The following YJU2 variants were observed in gnomAD, a reference collection of about 807,000 sequenced individuals.
The protein encoded by YJU2 is splicing factor YJU2.
YJU2 carries 28 observed loss-of-function variants against 39.6 expected under a neutral mutation model. The observed-to-expected ratio is 0.71, with a 90% confidence interval of 0.52 to 0.97. YJU2 has a LOEUF of 0.97. YJU2 is among the 50% of genes least tolerant of loss of function. YJU2 has a pLI of 0.00. For synonymous variants in YJU2, 184 were observed against 182.4 expected, an observed-to-expected ratio of 1.01 and a Z score of -0.07; for missense variants, 328 against 430.4, an observed-to-expected ratio of 0.76 and a Z score of 2.11.
At chr19:4,263,630 A>T (rs961963758) in intron 6 of YJU2, among the ~76,000 whole-genome samples, 1 of 151,692 alleles carries the variant, frequency 6.6e-6, no homozygotes, top group Non-Finnish European at 1.5e-5. Flanking sequence ...GCCAACATGG[A>T]GAAACCCTGT....
At chr19:4,248,964 G>A (rs576393391) in intron 1 of YJU2, among the ~76,000 whole-genome samples, 7 of 152,266 alleles carry the variant, frequency 4.6e-5, no homozygotes, top group Non-Finnish European at 1.0e-4. Context: ...AGCTTCCCGT[G>A]TAGACAGCAT....
chr19:4,252,621 T>TTAA (rs1338165043), intron 3 of YJU2, among the ~76,000 whole-genome samples: 1 of 150,568 alleles, frequency 6.6e-6, no homozygotes, highest in Non-Finnish European at 1.5e-5. Context: ...AATAAATAAA[T>TTAA]TAATAATAAT....
At chr19:4,258,067 G>A (rs1485552963) in intron 4 of YJU2, among the ~76,000 whole-genome samples, 175 bp from the exon 5 acceptor site, 1 of 152,220 alleles carries the variant, frequency 6.6e-6, no homozygotes, top group East Asian at 1.9e-4. Flanking sequence ...AGACCTGAGT[G>A]TTCTCACCTG....
intron 3 of YJU2, among the ~76,000 whole-genome samples, chr19:4,253,402 C>T (rs1256026323): frequency 2.6e-5 from 4 of 152,032 alleles, no homozygotes; most frequent in Non-Finnish European, 5.9e-5. Flanking sequence ...CATGGCGAAA[C>T]CCTGTCTCTA....
rs748864015 is a variant in YJU2, at chr19:4,263,073, C to CAAA, written c.708+976_708+978dup. On this transcript the variant is annotated intron_variant, in intron 6 of 7. Coordinates refer to ENST00000262962, the MANE Select transcript of YJU2 (RefSeq NM_018074.6). ...TGGGTGACAGAATGAGACTCTGTCT[C>CAAA]AAAAAAAAAAAAAAAAAAACTTAAT... Among the ~76,000 whole-genome samples, 233 of 106,400 alleles carry CAAA rather than the reference C, an allele frequency of 2.2e-3. 3 individuals are homozygous for CAAA. Among genetic ancestry groups the CAAA allele is most frequent in the African/African-American group, 7.4e-3 (217 of 29,134 alleles). 69.8% of individuals were successfully genotyped at this position (106,400 alleles called of 152,430 possible). A position where few individuals can be genotyped will look rare whatever the true frequency, so the allele number is the denominator to read the frequency against.
chr19:4,261,404 T>C (rs1055191229), intron 5 of YJU2, among the ~76,000 whole-genome samples: 7 of 151,884 alleles, frequency 4.6e-5, no homozygotes, highest in African/African-American at 1.7e-4. Flanking sequence ...GGCTGGAGAA[T>C]CGCTTGAACC....
chr19:4,260,331 G>T (rs757421798), intron 5 of YJU2, among the ~76,000 whole-genome samples: 2 of 152,094 alleles, frequency 1.3e-5, no homozygotes, highest in Admixed American at 1.3e-4. Flanking sequence ...CAGAGGCTGA[G>T]ACAGGAGAAT....
chr19:4,247,599 GT>G (rs1397627745), intron 1 of YJU2, among the ~76,000 whole-genome samples: 202 of 11,992 alleles, frequency 0.017, 29 homozygotes, highest in East Asian at 0.028. Context: ...GTGTGTGTGT[GT>G]GTGTGTGTGT....
Position 4,247,577 on chromosome 19 carries a change from TGGCGC to T in YJU2, c.24+409_24+413del, listed in dbSNP as rs1429514817. 8.8e-4 allele frequency among the ~76,000 whole-genome samples: 36 copies of T among 40,960 alleles called. 4 individuals carry two copies. Among genetic ancestry groups the T allele is most frequent in the African/African-American group, 7.4e-3 (35 of 4,746 alleles). The allele number at this position is 40,960 out of a possible 152,430, so 26.9% of individuals were successfully genotyped here. On this transcript the variant is annotated intron_variant, in intron 1 of 7. Transcript: ENST00000262962. ...GTACTTTGGGTGGGGTGGGGTGGGG[TGGCGC>T]GTGTGTGTGTGTGTGTGTGTGTGTG...
At chr19:4,247,255 C>A (rs532334652) in intron 1 of YJU2, 85 bp downstream of exon 1, 2 of 1,222,648 alleles carry the variant, frequency 1.6e-6, no homozygotes, top group South Asian at 2.6e-5. Flanking sequence ...GAGATCTCTT[C>A]TTTGGAACCC....
intron 3 of YJU2, among the ~76,000 whole-genome samples, chr19:4,254,085 T>A (rs543946994): frequency 5.3e-5 from 8 of 152,046 alleles, no homozygotes; most frequent in Admixed American, 1.3e-4. Context: ...TTTGCAGTCA[T>A]GTTAAGGGTA....
intron 4 of YJU2, among the ~76,000 whole-genome samples, chr19:4,257,716 T>G (rs563015839): frequency 6.6e-6 from 1 of 152,058 alleles, no homozygotes; most frequent in East Asian, 1.9e-4. Flanking sequence ...TCAAGTGATC[T>G]GTCTGCCTCG....
At chr19:4,249,809 C>T (rs747639848) in intron 2 of YJU2, among the ~76,000 whole-genome samples, 1 of 151,926 alleles carries the variant, frequency 6.6e-6, no homozygotes, top group Non-Finnish European at 1.5e-5. Flanking sequence ...TGGCTTCAAG[C>T]GATTCTCCTG....
At chr19:4,256,181 A>AAAT (rs1001505791) in intron 4 of YJU2, among the ~76,000 whole-genome samples, 248 of 125,856 alleles carry the variant, frequency 2.0e-3, no homozygotes, top group Middle Eastern at 3.9e-3. Flanking sequence ...AAAAAAAAAA[A>AAAT]ATATATATAT....
chr19:4,260,667 C>T (rs928402810), intron 5 of YJU2, among the ~76,000 whole-genome samples: 2 of 152,094 alleles, frequency 1.3e-5, no homozygotes, highest in Admixed American at 6.6e-5. Flanking sequence ...CGCTATGTTG[C>T]CCAGGCTGGT....
Position 4,251,182 on chromosome 19 carries a change from C to A in YJU2, c.270+11C>A, listed in dbSNP as rs370659219. 6.2e-7 allele frequency: 1 copy of A among 1,611,430 alleles called. No homozygotes were observed. The highest frequency in any genetic ancestry group is 1.3e-5 in the African/African-American group (1 of 74,862). The stretch of plus-strand genomic sequence containing the variant: ...GAGATCACCTTCAAGGTAGGTGAGA[C>A]GGCCGGCCAGGCCGGTCCCTCTCCC... On this transcript the variant is annotated intron_variant, in intron 3 of 7. Transcript: ENST00000262962.
chr19:4,258,551 A>G, intron 5 of YJU2, 128 bp downstream of exon 5: 1 of 1,375,324 alleles, frequency 7.3e-7, no homozygotes, highest in South Asian at 1.5e-5. Context: ...CCCACCGCCC[A>G]TCTCACTTTC....
chr19:4,258,087 C>T (rs962696060), intron 4 of YJU2, among the ~76,000 whole-genome samples, 155 bp from the exon 5 acceptor site: 9 of 152,194 alleles, frequency 5.9e-5, no homozygotes, highest in African/African-American at 1.9e-4. Flanking sequence ...GTGAAATGGA[C>T]ACAGCGCTGG....
At chr19:4,250,674 A>AAG (rs1324219585) in intron 2 of YJU2, among the ~76,000 whole-genome samples, 7 of 151,538 alleles carry the variant, frequency 4.6e-5, no homozygotes, top group Admixed American at 2.0e-4. Flanking sequence ...GTAGGAGGGG[A>AAG]AGAGGGGGGT....
Sources: gnomAD v4.1 joint callset for allele counts (sites outside exome capture counted in the v4.1 genomes callset) on GRCh38, gnomAD v4.1.1 for gene constraint, MANE v1.5 for transcripts, NCBI Gene and HGNC (gene_info 2026-07-23, HGNC 2026-07-21) for gene names.